TRIM16: variants seen among roughly 807,000 people sequenced by gnomAD.
TRIM16 encodes tripartite motif containing 16.
TRIM16 carries 33 observed loss-of-function variants against 50.4 expected under a neutral mutation model. The ratio of observed to expected loss-of-function variants is 0.65; its 90% CI spans 0.50 to 0.88. The LOEUF (loss-of-function observed/expected upper bound fraction) is 0.88. Among genes scored for constraint, TRIM16 ranks in the 40% least tolerant of loss-of-function variants. The pLI, the probability that TRIM16 is intolerant of heterozygous loss-of-function variation, is 0.00. For missense variants in TRIM16, 581 were observed against 686.8 expected, an observed-to-expected ratio of 0.85 and a Z score of 1.72; for synonymous variants, 229 against 270.7, an observed-to-expected ratio of 0.85 and a Z score of 1.51.
At chr17:15,653,744 A>C (rs796519280) in intron 6 of TRIM16, among the ~76,000 whole-genome samples, 2 of 152,310 alleles carry the variant, frequency 1.3e-5, no homozygotes, top group African/African-American at 4.8e-5. Context: ...AGGAGACACA[A>C]TTCAGCCCGT....
intron 6 of TRIM16, 159 bp from the exon 7 acceptor site, chr17:15,652,105 T>C (rs1987737975): frequency 3.2e-6 from 1 of 316,744 alleles, no homozygotes; most frequent in Non-Finnish European, 4.7e-6. Context: ...CTCATAGAAC[T>C]GGACATGAGG....
intron 6 of TRIM16, among the ~76,000 whole-genome samples, chr17:15,660,967 T>C (rs1377093479): frequency 6.7e-6 from 1 of 149,574 alleles, no homozygotes; most frequent in Non-Finnish European, 1.5e-5. Flanking sequence ...AAATAACCAC[T>C]GCCTTGTCAA....
At chr17:15,656,119 C>T (rs927085791) in intron 6 of TRIM16, among the ~76,000 whole-genome samples, 4 of 152,008 alleles carry the variant, frequency 2.6e-5, no homozygotes, top group African/African-American at 9.7e-5. Flanking sequence ...CAAAATTCAC[C>T]ACAACTTCTA....
Position 15,651,450 on chromosome 17 carries a change from C to T in TRIM16, c.160G>A (p.Glu54Lys). The T allele has an allele frequency of 6.2e-7, 1 of 1,612,346 alleles. No homozygotes were observed. Among genetic ancestry groups the T allele is most frequent in the Non-Finnish European group, 8.5e-7 (1 of 1,178,738 alleles). The stretch of plus-strand genomic sequence containing the variant: ...GAGTCGCTGTCCTGTTCCTCCGTCT[C>T]CCTGCCAAGCTTCTCCGAGGAGCCC... ...DVGSSEKLGRETEEQDSDSAE... is the reference protein window; with the variant it reads ...DVGSSEKLGRKTEEQDSDSAE... The change falls in exon 7 of 12, where the codon GAG becomes AAG. Residue 54 changes from glutamate (E) to lysine (K), a missense_variant. Around this residue, in one of 3 missense-constraint regions of TRIM16, gnomAD observed 450 missense variants for 544.3 expected, o/e 0.83. Coordinates refer to ENST00000649191, the MANE Select transcript of TRIM16 (RefSeq NM_001348119.1).
intron 7 of TRIM16, among the ~76,000 whole-genome samples, chr17:15,648,259 ACAAAC>A (rs1987512545): frequency 2.0e-5 from 3 of 146,700 alleles, no homozygotes; most frequent in Non-Finnish European, 3.0e-5. Flanking sequence ...AAACAAACAA[ACAAAC>A]AAAAAAACAC....
chr17:15,664,631 A>T (rs1032915511), intron 6 of TRIM16, among the ~76,000 whole-genome samples: 1 of 152,226 alleles, frequency 6.6e-6, no homozygotes, highest in African/African-American at 2.4e-5. Context: ...TCTCAGAGCT[A>T]GACAGACTAC....
intron 8 of TRIM16, among the ~76,000 whole-genome samples, chr17:15,636,965 A>G (rs1348367072): frequency 2.7e-5 from 4 of 149,758 alleles, no homozygotes; most frequent in South Asian, 4.3e-4. Flanking sequence ...CCTTCAATCA[A>G]TATCATGTTT....
intron 6 of TRIM16, among the ~76,000 whole-genome samples, chr17:15,675,890 G>A (rs1988919454): frequency 6.7e-6 from 1 of 150,152 alleles, no homozygotes; most frequent in Non-Finnish European, 1.5e-5. Context: ...ATACTTGAAT[G>A]TTTGTGTTCG....
chr17:15,656,357 C>A lies in TRIM16; in HGVS notation c.-337-4411G>T, dbSNP rs537823650. Among the ~76,000 whole-genome samples the A allele has an allele frequency of 5.9e-5, 9 of 152,314 alleles. No homozygotes were observed. In the South Asian group the frequency reaches 1.2e-3, roughly 21 times the overall value. The stretch of plus-strand genomic sequence containing the variant: ...ACTTTGCTCCCACTGAGCCCTGGGG[C>A]ATCTTGATACTCTGTCTCTCCTCGG... On this transcript the variant is annotated intron_variant, in intron 6 of 11. Coordinates refer to ENST00000649191, the MANE Select transcript of TRIM16 (RefSeq NM_001348119.1).
Position 15,631,877 on chromosome 17 carries a change from A to C in TRIM16, c.1016-163T>G. The C allele has an allele frequency of 6.0e-6, 4 of 662,148 alleles. 1 individual carries two copies. Among genetic ancestry groups the C allele is most frequent in the South Asian group, 3.8e-5 (2 of 53,312 alleles). 41.0% of individuals were successfully genotyped at this position (662,148 alleles called of 1,614,324 possible). ...ACGCTCAATAGACTACATTTCTTTC[A>C]TAGGTAAGGCATAAACCACTGAAAA... is the stretch of plus-strand genomic sequence containing the variant. On this transcript the variant is annotated intron_variant, in intron 10 of 11. Coordinates refer to ENST00000649191, the MANE Select transcript of TRIM16 (RefSeq NM_001348119.1).
At chr17:15,632,024 T>A in intron 10 of TRIM16, 1 of 386,946 alleles carries the variant, frequency 2.6e-6, no homozygotes, top group Middle Eastern at 7.9e-4. Context: ...TCTTTGGGTC[T>A]CAATTGTAAA....
At chr17:15,659,105 G>GA (rs112822742) in intron 6 of TRIM16, among the ~76,000 whole-genome samples, 5,983 of 152,266 alleles carry the variant, frequency 0.039, 307 homozygotes, top group African/African-American at 0.12. Context: ...AGTTGGTACA[G>GA]AGACGAGATT....
intron 6 of TRIM16, among the ~76,000 whole-genome samples, chr17:15,662,115 G>A (rs779404904): frequency 1.3e-5 from 2 of 152,226 alleles, no homozygotes; most frequent in Non-Finnish European, 2.9e-5. Context: ...CTGTCGGCCA[G>A]TGGTGACTGC....
chr17:15,670,954 A>G (rs1244676873), intron 6 of TRIM16, among the ~76,000 whole-genome samples: 1 of 152,286 alleles, frequency 6.6e-6, no homozygotes, highest in Non-Finnish European at 1.5e-5. Flanking sequence ...TTATTCCAGG[A>G]CTAATATATG....
chr17:15,647,918 G>C (rs1205971500), intron 7 of TRIM16, among the ~76,000 whole-genome samples: 2 of 152,000 alleles, frequency 1.3e-5, no homozygotes, highest in Non-Finnish European at 2.9e-5. Context: ...CAGCAGGCAA[G>C]ATCAGCTGCT....
rs994506546 is a variant in TRIM16, at chr17:15,631,521, C to A, written c.1111+98G>T. ...TCATTTAGAGATAGATATGAAGTTG[C>A]AAGAACCTGAAACCTAGATGAGAGA... On this transcript the variant is annotated intron_variant, in intron 11 of 11. Coordinates refer to ENST00000649191, the MANE Select transcript of TRIM16 (RefSeq NM_001348119.1). The A allele has an allele frequency of 4.6e-6, 5 of 1,080,980 alleles. No individual in the cohort carries two copies. In the Admixed American group the frequency reaches 1.0e-4, roughly 23 times the overall value. The allele number at this position is 1,080,980 out of a possible 1,614,324, so 67.0% of individuals were successfully genotyped here.
At chr17:15,667,352 T>A (rs554333343) in intron 6 of TRIM16, among the ~76,000 whole-genome samples, 43 of 152,242 alleles carry the variant, frequency 2.8e-4, no homozygotes, top group South Asian at 2.7e-3. Context: ...AAATAAATTT[T>A]AAAAAAAGCC....
intron 6 of TRIM16, among the ~76,000 whole-genome samples, chr17:15,674,823 C>CGGG (rs1171808110): frequency 1.3e-5 from 2 of 152,094 alleles, no homozygotes; most frequent in Non-Finnish European, 2.9e-5. Context: ...CCTCATCTCC[C>CGGG]GGGGGGTGAT....
chr17:15,637,789 GCTTTGT>G (rs1382562681), intron 8 of TRIM16, among the ~76,000 whole-genome samples: 2 of 124,702 alleles, frequency 1.6e-5, no homozygotes. Context: ...GACAATGGCG[GCTTTGT>G]GGAATAGAAA....
Sources: gnomAD v4.1 joint callset for allele counts (sites outside exome capture counted in the v4.1 genomes callset) on GRCh38, gnomAD v4.1.1 for gene constraint, gnomAD v4.1.1 regional missense constraint, MANE v1.5 for transcripts, NCBI Gene and HGNC (gene_info 2026-07-23, HGNC 2026-07-21) for gene names.